Variants in AS3MT observed in about 807,000 individuals in gnomAD.
AS3MT encodes the protein S-adenosyl-L-methionine:arsenic(III) methyltransferase.
In AS3MT, 47 loss-of-function variants were observed where a neutral mutation model predicts 45.3. That is an observed-to-expected ratio of 1.04 (90% CI 0.82 to 1.32). The LOEUF (loss-of-function observed/expected upper bound fraction) is 1.32, where lower values mean the gene tolerates loss of function less well. Among genes scored for constraint, AS3MT ranks in the 40% most tolerant of loss-of-function variants. AS3MT has a pLI of 0.00. For synonymous variants in AS3MT, 141 were observed against 152.8 expected (o/e 0.92, Z 0.57); for missense variants, 396 against 451.1 (o/e 0.88, Z 1.11).
chr10:102,899,919 G>C (rs536309938), intron 10 of AS3MT, among the ~76,000 whole-genome samples: 2 of 152,038 alleles, frequency 1.3e-5, no homozygotes, highest in Non-Finnish European at 2.9e-5. Context: ...CATTGGCCTC[G>C]GCCTCTCAAA....
intron 9 of AS3MT, among the ~76,000 whole-genome samples, chr10:102,886,759 G>A (rs1844965197): frequency 6.6e-6 from 1 of 152,124 alleles, no homozygotes; most frequent in South Asian, 2.1e-4. Context: ...AAGTAGCTGG[G>A]ACTAAGGCTA....
At chr10:102,879,983 C>G (rs1312508156) in intron 9 of AS3MT, among the ~76,000 whole-genome samples, 1 of 151,974 alleles carries the variant, frequency 6.6e-6, no homozygotes, top group Admixed American at 6.6e-5. Context: ...CAGCATGCGT[C>G]CCATAGGAAT....
intron 7 of AS3MT, among the ~76,000 whole-genome samples, 185 bp downstream of exon 7, chr10:102,877,220 G>A (rs1222073503): frequency 6.6e-6 from 1 of 152,178 alleles, no homozygotes; most frequent in Non-Finnish European, 1.5e-5. Context: ...ATCTCTTTGA[G>A]TTATCGTTTT....
chr10:102,901,372 T>C lies in AS3MT; in HGVS notation c.*672T>C, dbSNP rs1845267762. 1 of 151,888 alleles carries C rather than the reference T, an allele frequency of 6.6e-6. No homozygotes were observed. The highest frequency in any genetic ancestry group is 2.4e-5 in the African/African-American group (1 of 41,320). The allele number at this position is 151,888 out of a possible 1,614,324, so 9.4% of individuals were successfully genotyped here. A position where few individuals can be genotyped will look rare whatever the true frequency, so the allele number is the denominator to read the frequency against. On this transcript the variant is annotated 3_prime_UTR_variant, in exon 11 of 11. Coordinates refer to ENST00000369880, the MANE Select transcript of AS3MT (RefSeq NM_020682.4). ...CCATGCCCAGCTAATTTTTTGTATT[T>C]TTAGTAGAGACGGGGTTTCACCATG...
chr10:102,874,401 T>C (rs1009455941), intron 5 of AS3MT, among the ~76,000 whole-genome samples, 191 bp from the exon 6 acceptor site: 7 of 152,220 alleles, frequency 4.6e-5, no homozygotes, highest in African/African-American at 1.7e-4. Flanking sequence ...TAACAATTTA[T>C]TGAGATTTTA....
chr10:102,874,287 C>CA, intron 5 of AS3MT, among the ~76,000 whole-genome samples: 1 of 151,930 alleles, frequency 6.6e-6, no homozygotes, highest in Non-Finnish European at 1.5e-5. Flanking sequence ...ATGCCTTGTG[C>CA]AGTAGGCATC....
At chr10:102,891,194 G>A (rs1227865562) in intron 10 of AS3MT, among the ~76,000 whole-genome samples, 1 of 152,172 alleles carries the variant, frequency 6.6e-6, no homozygotes, top group Admixed American at 6.6e-5. Flanking sequence ...TTTATTGGGA[G>A]ACTTCCTTTC....
chr10:102,869,930 T>A, intron 2 of AS3MT, 85 bp downstream of exon 2: 1 of 1,584,618 alleles, frequency 6.3e-7, no homozygotes, highest in Non-Finnish European at 8.6e-7. Flanking sequence ...CCCCCGGGAC[T>A]CCTGGAGTCG....
At chr10:102,872,728 C>A in intron 4 of AS3MT, 130 bp downstream of exon 4, 1 of 999,650 alleles carries the variant, frequency 1.0e-6, no homozygotes, top group Non-Finnish European at 1.4e-6. Context: ...TCATTTGTGC[C>A]ACTAGTGCTT....
chr10:102,879,089 G>C, intron 9 of AS3MT, 98 bp downstream of exon 9: 2 of 1,354,330 alleles, frequency 1.5e-6, no homozygotes, highest in Non-Finnish European at 2.0e-6. Context: ...CATTTTTCTG[G>C]TGTTGGTTTG....
chr10:102,876,815 G>T, intron 6 of AS3MT, 139 bp from the exon 7 acceptor site: 1 of 799,858 alleles, frequency 1.3e-6, no homozygotes, highest in Non-Finnish European at 2.0e-6. Context: ...AGAGGCAGCT[G>T]CTATTTGTTC....
chr10:102,878,636 C>T (rs1844825016), intron 8 of AS3MT, 126 bp downstream of exon 8: 12 of 1,401,536 alleles, frequency 8.6e-6, no homozygotes, highest in Non-Finnish European at 1.2e-5. Context: ...AAATAGCTAT[C>T]TTGCCTCCTG....
intron 9 of AS3MT, among the ~76,000 whole-genome samples, chr10:102,887,468 T>A (rs971701217): frequency 6.6e-6 from 1 of 152,186 alleles, no homozygotes; most frequent in Admixed American, 6.5e-5. Context: ...TTCTTTTAGA[T>A]CTATTAATGT....
intron 8 of AS3MT, 85 bp downstream of exon 8, chr10:102,878,595 G>A: frequency 1.3e-6 from 2 of 1,522,862 alleles, no homozygotes; most frequent in Non-Finnish European, 1.8e-6. Context: ...TTCTGAAGGA[G>A]TCTCATTGAG....
chr10:102,873,123 C>A lies in AS3MT; in HGVS notation c.348C>A (p.Asp116Glu). ...GQVEVAEKYL[D>E]YHMEKYGFQA... ...TGGAAGTGGCTGAAAAGTATCTTGA[C>A]TATCACATGGAAAAATATGGCTTCC... The change falls in exon 5 of 11, where the codon GAC becomes GAA. Residue 116 changes from aspartate (D) to glutamate (E), a missense_variant. Coordinates refer to ENST00000369880, the MANE Select transcript of AS3MT (RefSeq NM_020682.4). 1 of 1,600,682 alleles carries A rather than the reference C, an allele frequency of 6.2e-7. No individual in the cohort carries two copies. Among genetic ancestry groups the A allele is most frequent in the South Asian group, 1.1e-5 (1 of 87,584 alleles).
At chr10:102,883,747 G>A (rs1844903628) in intron 9 of AS3MT, among the ~76,000 whole-genome samples, 1 of 151,256 alleles carries the variant, frequency 6.6e-6, no homozygotes, top group African/African-American at 2.4e-5. Flanking sequence ...ACCCCCAATA[G>A]TCCAAAGCCC....
Position 102,878,436 on chromosome 10 carries a change from T to C in AS3MT, c.668T>C (p.Ile223Thr). The part of the protein sequence containing the change: ...WKELAVLAQK[I>T]GFCPPRLVTA... Reference sequence around the variant, plus strand: ...GAACTTGCTGTCCTTGCTCAAAAAATTGGGTTCTGCCCTCCACGTTTGGTC... The same window carrying C: ...GAACTTGCTGTCCTTGCTCAAAAAACTGGGTTCTGCCCTCCACGTTTGGTC... Residue 223 changes from isoleucine to threonine, a missense_variant, in exon 8 of 11, where the codon ATT (isoleucine) becomes ACT (threonine). Transcript: ENST00000369880. The C allele has an allele frequency of 1.2e-6, 2 of 1,614,076 alleles. No homozygotes were observed.
Position 102,874,668 on chromosome 10 carries a change from AG to A in AS3MT, c.528+9del. 9 of 1,597,102 alleles carry A rather than the reference AG, an allele frequency of 5.6e-6. No homozygotes were observed. The highest frequency in any genetic ancestry group is 7.7e-6 in the Non-Finnish European group (9 of 1,167,700). ...GGCATATCGGGTGCTGAAGGTGAGGAGGAGAGTGAGATAAATTATCTTTGAA... is the reference window on the plus strand; with the variant it reads ...GGCATATCGGGTGCTGAAGGTGAGGAGAGAGTGAGATAAATTATCTTTGAA... On this transcript the variant is annotated splice_region_variant and intron_variant, in intron 6 of 10. Transcript: ENST00000369880.
rs530433671 is a variant in AS3MT, at chr10:102,879,046, C to G, written c.885+55C>G. ...TATTCTTTCTGCTCTTGCCCTTGCT[C>G]CAGCTATCTTTTCTTGACTTTGCAT... On this transcript the variant is annotated intron_variant, in intron 9 of 10. Transcript: ENST00000369880. The G allele has an allele frequency of 6.2e-5, 96 of 1,551,374 alleles. No individual in the cohort carries two copies. In the Middle Eastern group the frequency reaches 8.8e-4, roughly 14 times the overall value.
Sources: allele counts gnomAD v4.1 joint callset (sites outside exome capture counted in the v4.1 genomes callset), GRCh38; gene constraint gnomAD v4.1.1; transcripts MANE v1.5; gene names NCBI Gene and HGNC (gene_info 2026-07-23, HGNC 2026-07-21).